COLQ: variants seen among roughly 807,000 people sequenced by gnomAD.
COLQ encodes collagen like tail subunit of asymmetric acetylcholinesterase, also known as acetylcholinesterase collagenic tail peptide.
In COLQ, 48 loss-of-function variants were observed where a neutral mutation model predicts 69.0. The ratio of observed to expected loss-of-function variants is 0.70; its 90% CI spans 0.55 to 0.88. The LOEUF (loss-of-function observed/expected upper bound fraction) is 0.88. COLQ is among the 40% of genes least tolerant of loss of function. The probability of loss-of-function intolerance (pLI) is 0.00; values close to 1 mark genes in which losing one functional copy is unlikely to be tolerated. For synonymous variants in COLQ, 217 were observed against 211.2 expected, an observed-to-expected ratio of 1.03 and a Z score of -0.24; for missense variants, 618 against 594.6, an observed-to-expected ratio of 1.04 and a Z score of -0.41.
At chr3:15,490,058 G>C (rs993514353) in intron 1 of COLQ, among the ~76,000 whole-genome samples, 2 of 152,234 alleles carry the variant, frequency 1.3e-5, no homozygotes, top group Admixed American at 1.3e-4. Flanking sequence ...GCCAGGGCCA[G>C]TGGTAGCATT....
intron 2 of COLQ, 122 bp from the exon 3 acceptor site, chr3:15,488,429 A>C (rs372576977): frequency 5.1e-6 from 4 of 777,594 alleles, no homozygotes. Context: ...CTGACACCCC[A>C]ATGACTGCCC....
At chr3:15,520,784 G>A (rs1349741415) in intron 1 of COLQ, among the ~76,000 whole-genome samples, 1 of 152,178 alleles carries the variant, frequency 6.6e-6, no homozygotes, top group Non-Finnish European at 1.5e-5. Context: ...TTGCAGGCTG[G>A]CAGACACAGC....
At chr3:15,454,398 C>A (rs963037731) in intron 15 of COLQ, among the ~76,000 whole-genome samples, 2 of 152,204 alleles carry the variant, frequency 1.3e-5, no homozygotes, top group African/African-American at 2.4e-5. Flanking sequence ...AAGACCTCTG[C>A]TCTCACACGA....
chr3:15,489,773 C>A, intron 1 of COLQ, 136 bp from the exon 2 acceptor site: 1 of 737,712 alleles, frequency 1.4e-6, no homozygotes, highest in Non-Finnish European at 2.4e-6. Flanking sequence ...TGTGGATAGG[C>A]CTCCTGTTGG....
At position 15,453,935 on chromosome 3, in the gene COLQ, AG is replaced by A. The variant is rs780011630; in HGVS notation, c.1196-5del. On this transcript the variant is annotated splice_polypyrimidine_tract_variant and splice_region_variant and intron_variant, in intron 15 of 16. Coordinates refer to ENST00000383788, the MANE Select transcript of COLQ (RefSeq NM_005677.4). ...CCACAGTAGGCACGGTGACAGCCTG[AG>A]GGGACATAAGGAGGTGCAGTCTTGA... is the stretch of plus-strand genomic sequence containing the variant. 10 of 1,595,494 alleles carry A rather than the reference AG, an allele frequency of 6.3e-6. No homozygotes were observed. In the South Asian group the frequency reaches 1.0e-4, roughly 16 times the overall value.
chr3:15,521,178 T>G (rs941914863), intron 1 of COLQ, among the ~76,000 whole-genome samples: 1 of 152,230 alleles, frequency 6.6e-6, no homozygotes, highest in African/African-American at 2.4e-5. Flanking sequence ...CATCTGAGAC[T>G]CACTTCTCTA....
At chr3:15,477,806 C>T (rs1394207504) in intron 5 of COLQ, among the ~76,000 whole-genome samples, 1 of 152,198 alleles carries the variant, frequency 6.6e-6, no homozygotes, top group Non-Finnish European at 1.5e-5. Context: ...CTCGACTTCA[C>T]CTGATACCAC....
At chr3:15,465,583 T>C (rs2062187383) in intron 12 of COLQ, among the ~76,000 whole-genome samples, 1 of 148,142 alleles carries the variant, frequency 6.8e-6, no homozygotes, top group African/African-American at 2.5e-5. Flanking sequence ...TATTTTTTTA[T>C]TTTATTTTAG....
At position 15,521,599 on chromosome 3, in the gene COLQ, C is replaced by G. The variant is rs1215927876; in HGVS notation, c.27G>C (p.Leu9Phe). 6.2e-7 allele frequency: 1 copy of G among 1,614,022 alleles called. No individual in the cohort carries two copies. The highest frequency in any genetic ancestry group is 1.7e-5 in the Admixed American group (1 of 60,002). The change falls in exon 1 of 17, where the codon TTG becomes TTC. Residue 9 changes from leucine (L) to phenylalanine (F), a missense_variant. Transcript: ENST00000383788. ...GGAAGAAAAGCTGAAGATAAATTCC[C>G]AAAGTCATTGGATTCAGGACAACCA... is the stretch of plus-strand genomic sequence containing the variant. MVVLNPMT[L>F]GIYLQLFFLS... is the part of the protein sequence containing the mutation.
intron 1 of COLQ, among the ~76,000 whole-genome samples, chr3:15,492,196 CAAAT>C (rs900731684): frequency 1.3e-5 from 2 of 152,136 alleles, no homozygotes; most frequent in African/African-American, 2.4e-5. Flanking sequence ...TGCAACAGCT[CAAAT>C]AAAGATTATG....
At chr3:15,462,763 T>C (rs1450208640) in intron 12 of COLQ, among the ~76,000 whole-genome samples, 1 of 152,162 alleles carries the variant, frequency 6.6e-6, no homozygotes, top group Non-Finnish European at 1.5e-5. Flanking sequence ...TGATCCATCC[T>C]GTTAGGGGCC....
At position 15,467,193 on chromosome 3, in the gene COLQ, G is replaced by A. The variant is rs137965768; in HGVS notation, c.718-756C>T. ...CTCACCTCCTTTCCCCAGATGAAAT[G>A]AGGGAGGACAAAGATGCTAGAAACA... On this transcript the variant is annotated intron_variant, in intron 11 of 16. Coordinates refer to ENST00000383788, the MANE Select transcript of COLQ (RefSeq NM_005677.4). 1.1e-3 allele frequency among the ~76,000 whole-genome samples: 168 copies of A among 152,390 alleles called. 2 individuals are homozygous for A. Among genetic ancestry groups the A allele is most frequent in the African/African-American group, 3.9e-3 (163 of 41,590 alleles).
In COLQ at chr3:15,501,250, G is replaced by T. The variant is rs150112656; in HGVS notation, c.107-11613C>A. 2.0e-5 allele frequency among the ~76,000 whole-genome samples: 3 copies of T among 152,338 alleles called. No homozygotes were observed. In the East Asian group the frequency reaches 5.8e-4, roughly 29 times the overall value. The stretch of plus-strand genomic sequence containing the variant: ...TCTGGGATTTATCAGCCAGGCTAGA[G>T]ACCTCTTCTGGAATACGACATCCCC... On this transcript the variant is annotated intron_variant, in intron 1 of 16. Coordinates refer to ENST00000383788, the MANE Select transcript of COLQ (RefSeq NM_005677.4).
chr3:15,453,210 G>T (rs141945796), intron 16 of COLQ, among the ~76,000 whole-genome samples: 1 of 152,208 alleles, frequency 6.6e-6, no homozygotes. Flanking sequence ...CTTGGCAGGC[G>T]CCAGTGTGGA....
chr3:15,488,368 A>G (rs548395199), intron 2 of COLQ, 61 bp from the exon 3 acceptor site: 19 of 1,399,340 alleles, frequency 1.4e-5, no homozygotes, highest in Admixed American at 3.5e-5. Context: ...AAGGGTCACC[A>G]TCCTGGACAC....
intron 7 of COLQ, chr3:15,475,189 T>C: frequency 1.5e-6 from 1 of 652,184 alleles, no homozygotes; most frequent in Non-Finnish European, 2.7e-6. Context: ...TTCCATCTGC[T>C]CTGATGTCCA....
intron 13 of COLQ, among the ~76,000 whole-genome samples, chr3:15,457,209 G>A (rs2062038477): frequency 6.6e-6 from 1 of 152,070 alleles, no homozygotes; most frequent in African/African-American, 2.4e-5. Context: ...TTTGACATCT[G>A]GAAGTGATTC....
intron 12 of COLQ, among the ~76,000 whole-genome samples, chr3:15,459,153 T>A (rs2062068632): frequency 6.6e-6 from 1 of 152,180 alleles, no homozygotes; most frequent in Non-Finnish European, 1.5e-5. Flanking sequence ...CAATGTAGGA[T>A]CTTTACAGAG....
intron 4 of COLQ, 60 bp downstream of exon 4, chr3:15,479,278 C>A: frequency 6.5e-7 from 1 of 1,545,660 alleles, no homozygotes; most frequent in Non-Finnish European, 8.9e-7. Context: ...CAGTGGGATG[C>A]CCAGAAAACA....
Sources: gnomAD v4.1 joint callset for allele counts (sites outside exome capture counted in the v4.1 genomes callset) on GRCh38, gnomAD v4.1.1 for gene constraint, MANE v1.5 for transcripts, NCBI Gene and HGNC (gene_info 2026-07-23, HGNC 2026-07-21) for gene names.